ATRNL1: variants seen among roughly 807,000 people sequenced by gnomAD.
The protein encoded by ATRNL1 is attractin-like protein 1.
Under a neutral mutation model 182.7 loss-of-function variants are expected in ATRNL1, and 95 were observed. The ratio of observed to expected loss-of-function variants is 0.52; its 90% confidence interval spans 0.44 to 0.62. The LOEUF is 0.62. Among genes scored for constraint, ATRNL1 ranks in the 20% least tolerant of loss-of-function variants. The pLI is 0.00. For synonymous variants in ATRNL1, 576 were observed against 568.3 expected, an observed-to-expected ratio of 1.01 and a Z score of -0.19; for missense variants, 1,471 against 1,679.5, an observed-to-expected ratio of 0.88 and a Z score of 2.17.
intron 28 of ATRNL1, chr10:115,909,621 T>TAAAA (rs3031110): frequency 4.8e-5 from 6 of 125,228 alleles, no homozygotes; most frequent in Admixed American, 1.6e-4. Flanking sequence ...TTGATAATGT[T>TAAAA]AAAAAAAAAA....
chr10:115,153,126 T>A (rs1846324180), intron 5 of ATRNL1, among the ~76,000 whole-genome samples: 1 of 152,196 alleles, frequency 6.6e-6, no homozygotes, highest in African/African-American at 2.4e-5. Flanking sequence ...TGCCAGGATT[T>A]TATTGAGGAT....
At chr10:115,291,445 G>A (rs1852898943) in intron 15 of ATRNL1, among the ~76,000 whole-genome samples, 1 of 152,068 alleles carries the variant, frequency 6.6e-6, no homozygotes, top group Admixed American at 6.5e-5. Flanking sequence ...TTAGCTGTGG[G>A]TTTGTCACAT....
intron 21 of ATRNL1, among the ~76,000 whole-genome samples, chr10:115,449,104 C>T (rs1393981610): frequency 2.0e-5 from 3 of 152,118 alleles, no homozygotes; most frequent in Admixed American, 2.0e-4. Flanking sequence ...GAACAGTAGC[C>T]CAAAGGGAGA....
intron 8 of ATRNL1, among the ~76,000 whole-genome samples, chr10:115,209,605 A>T (rs1183332390): frequency 1.3e-5 from 2 of 151,526 alleles, no homozygotes; most frequent in Admixed American, 1.3e-4. Context: ...TTTCTCATTA[A>T]TGACCTACTT....
At chr10:115,501,889 T>A (rs1849859696) in intron 24 of ATRNL1, among the ~76,000 whole-genome samples, 1 of 152,082 alleles carries the variant, frequency 6.6e-6, no homozygotes, top group Admixed American at 6.6e-5. Context: ...TTTTCCTCTA[T>A]TTACATATCA....
intron 19 of ATRNL1, among the ~76,000 whole-genome samples, chr10:115,340,907 G>A (rs1275957237): frequency 6.6e-6 from 1 of 151,272 alleles, no homozygotes; most frequent in Non-Finnish European, 1.5e-5. Context: ...TTTTTTGTGT[G>A]TCTTCTCTGT....
intron 28 of ATRNL1, among the ~76,000 whole-genome samples, chr10:115,870,665 G>A (rs562208342): frequency 3.9e-5 from 6 of 152,128 alleles, no homozygotes; most frequent in Admixed American, 2.0e-4. Context: ...TGATAATATC[G>A]TGCATATCTT....
chr10:115,847,110 A>G (rs2134353762), intron 27 of ATRNL1, among the ~76,000 whole-genome samples: 1 of 152,202 alleles, frequency 6.6e-6, no homozygotes, highest in South Asian at 2.1e-4. Flanking sequence ...TCACTAAAAC[A>G]ATATTAAAGA....
chr10:115,662,227 C>T (rs574615117), intron 26 of ATRNL1, among the ~76,000 whole-genome samples: 4 of 151,978 alleles, frequency 2.6e-5, no homozygotes, highest in East Asian at 1.9e-4. Flanking sequence ...TGAATAGTGC[C>T]GCAATAAACA....
intron 5 of ATRNL1, among the ~76,000 whole-genome samples, chr10:115,130,121 G>T (rs1845164534): frequency 6.6e-6 from 1 of 151,856 alleles, no homozygotes; most frequent in Non-Finnish European, 1.5e-5. Flanking sequence ...AAGAATGTTG[G>T]CTTATTTATC....
chr10:115,297,608 G>T (rs373483306), intron 15 of ATRNL1, among the ~76,000 whole-genome samples: 16 of 146,198 alleles, frequency 1.1e-4, no homozygotes, highest in African/African-American at 4.1e-4. Flanking sequence ...TCGAGATTGC[G>T]CCACTGCACT....
chr10:115,747,933 A>C (rs1948340434), intron 27 of ATRNL1, among the ~76,000 whole-genome samples: 1 of 152,022 alleles, frequency 6.6e-6, no homozygotes, highest in Non-Finnish European at 1.5e-5. Flanking sequence ...TCATAAGGAC[A>C]CTAATCTCAT....
intron 26 of ATRNL1, among the ~76,000 whole-genome samples, chr10:115,571,680 A>C (rs1426440970): frequency 1.3e-5 from 2 of 152,188 alleles, no homozygotes; most frequent in Admixed American, 6.5e-5. Context: ...TCTGGAGAAA[A>C]TAGCTTGGTA....
intron 24 of ATRNL1, among the ~76,000 whole-genome samples, chr10:115,491,976 T>C (rs571566636): frequency 6.6e-6 from 1 of 152,258 alleles, no homozygotes; most frequent in East Asian, 1.9e-4. Flanking sequence ...CTCTCATGGC[T>C]TCCCTTGGCT....
intron 26 of ATRNL1, among the ~76,000 whole-genome samples, chr10:115,646,247 A>G (rs782256719): frequency 5.9e-5 from 9 of 152,152 alleles, no homozygotes; most frequent in Non-Finnish European, 1.3e-4. Flanking sequence ...AATGGCTGCT[A>G]TAGTGTGAAC....
intron 26 of ATRNL1, among the ~76,000 whole-genome samples, chr10:115,676,207 A>G (rs536101124): frequency 2.0e-5 from 3 of 152,214 alleles, no homozygotes; most frequent in African/African-American, 7.2e-5. Flanking sequence ...GATGCACAAA[A>G]CTTTAATCAC....
intron 19 of ATRNL1, among the ~76,000 whole-genome samples, chr10:115,389,568 AT>A (rs1843896309): frequency 8.6e-6 from 1 of 116,680 alleles, no homozygotes; most frequent in African/African-American, 3.3e-5. Flanking sequence ...ATATATATAT[AT>A]ATATATATAT....
chr10:115,851,616 C>G (rs542803687), intron 28 of ATRNL1, among the ~76,000 whole-genome samples: 2 of 152,190 alleles, frequency 1.3e-5, no homozygotes, highest in East Asian at 1.9e-4. Context: ...GAGAAATTCT[C>G]CCTTTAGGGG....
At chr10:115,593,832 T>C (rs1856062228) in intron 26 of ATRNL1, among the ~76,000 whole-genome samples, 1 of 152,176 alleles carries the variant, frequency 6.6e-6, no homozygotes, top group Admixed American at 6.5e-5. Context: ...AAAATTTTGC[T>C]TACACTTATT....
Sources: gnomAD v4.1 joint callset for allele counts (sites outside exome capture counted in the v4.1 genomes callset) on GRCh38, gnomAD v4.1.1 for gene constraint, MANE v1.5 for transcripts, NCBI Gene and HGNC (gene_info 2026-07-23, HGNC 2026-07-21) for gene names.